CDK5RAP2: variants seen among roughly 807,000 people sequenced by gnomAD.
CDK5RAP2 encodes the protein CDK5 regulatory subunit-associated protein 2.
Under a neutral mutation model 232.9 loss-of-function variants are expected in CDK5RAP2, and 147 were observed. That is an observed-to-expected ratio of 0.63 (90% CI 0.55 to 0.72). The LOEUF is 0.72. Among genes scored for constraint, CDK5RAP2 ranks in the 30% least tolerant of loss-of-function variants. The pLI, the probability that CDK5RAP2 is intolerant of heterozygous loss-of-function variation, is 0.00. For synonymous variants in CDK5RAP2, 833 were observed against 833.7 expected, an observed-to-expected ratio of 1.00 and a Z score of 0.01; for missense variants, 2,195 against 2,231.5, an observed-to-expected ratio of 0.98 and a Z score of 0.33.
rs151322599 is a variant in CDK5RAP2, at chr9:120,540,926, C to T, written c.384-1762G>A. Among the ~76,000 whole-genome samples the T allele has an allele frequency of 1.4e-3, 215 of 152,346 alleles. 3 individuals are homozygous for T. In the East Asian group the frequency reaches 0.018, roughly 12 times the overall value. ...GGGTCTCCGCTGGCCAAAGCCAAGG[C>T]GCCTATTTCCATTTCCTGATTAATA... On this transcript the variant is annotated intron_variant, in intron 5 of 37. Coordinates refer to ENST00000349780, the MANE Select transcript of CDK5RAP2 (RefSeq NM_018249.6).
intron 21 of CDK5RAP2, among the ~76,000 whole-genome samples, chr9:120,448,829 C>T (rs891663115): frequency 4.6e-5 from 7 of 152,132 alleles, no homozygotes; most frequent in East Asian, 1.9e-4. Flanking sequence ...AACTCCCAGG[C>T]TGTCTCTCCA....
intron 25 of CDK5RAP2, among the ~76,000 whole-genome samples, chr9:120,423,560 C>T (rs371588486): frequency 6.6e-6 from 1 of 152,152 alleles, no homozygotes; most frequent in East Asian, 1.9e-4. Flanking sequence ...TCTCTTCCTG[C>T]ATGTTATCAT....
intron 3 of CDK5RAP2, among the ~76,000 whole-genome samples, chr9:120,564,692 G>A (rs1049919808): frequency 1.1e-4 from 16 of 152,118 alleles, no homozygotes; most frequent in African/African-American, 3.6e-4. Flanking sequence ...CCATCCATGA[G>A]TATTGAGAAT....
At chr9:120,481,299 G>A (rs2038292183) in intron 14 of CDK5RAP2, among the ~76,000 whole-genome samples, 1 of 152,088 alleles carries the variant, frequency 6.6e-6, no homozygotes, top group Non-Finnish European at 1.5e-5. Context: ...AATGCATCTG[G>A]GTGCTTGGCA....
chr9:120,442,388 A>G (rs1166058401), intron 23 of CDK5RAP2, among the ~76,000 whole-genome samples: 4 of 152,194 alleles, frequency 2.6e-5, no homozygotes, highest in African/African-American at 4.8e-5. Context: ...TCCTTTATTC[A>G]CATCCCAAGT....
chr9:120,460,644 C>T lies in CDK5RAP2; in HGVS notation c.2130G>A (p.Glu710=). Residue 710 remains glutamate, a synonymous_variant, in exon 19 of 38, where the codon GAG becomes GAA. Transcript: ENST00000349780. ...QTELLASKED[E]DTIKIGEDDE... ...CATCCTCCCCAATTTTGATCGTGTC[C>T]TCGTCCTCCTTGCTAGCCAGAAGCT... The T allele has an allele frequency of 6.2e-7, 1 of 1,614,084 alleles. No homozygotes were observed. Among genetic ancestry groups the T allele is most frequent in the South Asian group, 1.1e-5 (1 of 91,072 alleles).
chr9:120,484,908 A>G (rs2038514754), intron 14 of CDK5RAP2, among the ~76,000 whole-genome samples: 1 of 149,622 alleles, frequency 6.7e-6, no homozygotes, highest in Non-Finnish European at 1.5e-5. Context: ...TTTTTTGTAG[A>G]TACTGGGGTC....
At chr9:120,474,689 A>C (rs1000108224) in intron 15 of CDK5RAP2, among the ~76,000 whole-genome samples, 5 of 152,206 alleles carry the variant, frequency 3.3e-5, no homozygotes, top group African/African-American at 1.2e-4. Flanking sequence ...TTTGGGGATC[A>C]TCCACCAACT....
At chr9:120,471,636 G>T in intron 16 of CDK5RAP2, 112 bp downstream of exon 16, 1 of 1,486,152 alleles carries the variant, frequency 6.7e-7, no homozygotes. Flanking sequence ...ATCTCCAAAC[G>T]AAACCCCGTG....
Position 120,536,365 on chromosome 9 carries a change from G to A in CDK5RAP2, c.662+7C>T, listed in dbSNP as rs1402783638. ...ATGTCAGGGTATGACAGGGACAAGAGCCAGACCTGTCTTTCTCATCCAGGA... is the reference window on the plus strand; with the variant it reads ...ATGTCAGGGTATGACAGGGACAAGAACCAGACCTGTCTTTCTCATCCAGGA... On this transcript the variant is annotated splice_region_variant and intron_variant, in intron 7 of 37. Coordinates refer to ENST00000349780, the MANE Select transcript of CDK5RAP2 (RefSeq NM_018249.6). 2 of 1,613,872 alleles carry A rather than the reference G, an allele frequency of 1.2e-6. No individual in the cohort carries two copies. The highest frequency in any genetic ancestry group is 3.3e-5 in the Admixed American group (2 of 60,024).
chr9:120,453,992 C>T (rs41273386), intron 20 of CDK5RAP2, 119 bp from the exon 21 acceptor site: 27,309 of 1,007,226 alleles, frequency 0.027, 465 homozygotes, highest in East Asian at 0.069. Flanking sequence ...AAACTAAATA[C>T]AGTGTGTACC....
At chr9:120,491,202 CAT>C in intron 13 of CDK5RAP2, 103 bp downstream of exon 13, 1 of 889,278 alleles carries the variant, frequency 1.1e-6, no homozygotes, top group Non-Finnish European at 1.8e-6. Flanking sequence ...TATTCTGAAA[CAT>C]AGCAATGATT....
intron 1 of CDK5RAP2, among the ~76,000 whole-genome samples, chr9:120,572,866 A>T (rs1229783310): frequency 6.6e-6 from 1 of 152,236 alleles, no homozygotes; most frequent in Non-Finnish European, 1.5e-5. Flanking sequence ...GTGCTTTACA[A>T]TTTATAAAAG....
intron 27 of CDK5RAP2, among the ~76,000 whole-genome samples, chr9:120,417,399 C>A (rs1056945138): frequency 6.6e-6 from 1 of 152,232 alleles, no homozygotes; most frequent in African/African-American, 2.4e-5. Context: ...TGGCACTGTA[C>A]CTCCTTGCTC....
At chr9:120,578,903 T>C (rs551700093) in intron 1 of CDK5RAP2, among the ~76,000 whole-genome samples, 1 of 152,246 alleles carries the variant, frequency 6.6e-6, no homozygotes, top group Non-Finnish European at 1.5e-5. Context: ...GCACAATAAA[T>C]AACATGGTCA....
intron 14 of CDK5RAP2, among the ~76,000 whole-genome samples, chr9:120,479,404 C>T (rs1167294755): frequency 2.0e-5 from 3 of 152,164 alleles, no homozygotes; most frequent in Admixed American, 1.3e-4. Flanking sequence ...CAAAACACCT[C>T]CCCCAAAATA....
Position 120,551,713 on chromosome 9 carries a change from T to A in CDK5RAP2, c.196-811A>T, listed in dbSNP as rs143910708. ...TAAATAAAAGGAGGTTGAAGAGGCA[T>A]GACTACTAAGTACAATAGAATCTTG... On this transcript the variant is annotated intron_variant, in intron 3 of 37. Transcript: ENST00000349780. Among the ~76,000 whole-genome samples, 31 of 152,306 alleles carry A rather than the reference T, an allele frequency of 2.0e-4. No individual in the cohort carries two copies. In the East Asian group the frequency reaches 6.0e-3, roughly 29 times the overall value.
Position 120,524,924 on chromosome 9 carries a change from G to C in CDK5RAP2, c.1092+62C>G, listed in dbSNP as rs533004463. The C allele has an allele frequency of 3.5e-5, 41 of 1,171,842 alleles. 1 individual carries two copies. The highest frequency in any genetic ancestry group is 2.8e-4 in the South Asian group (23 of 82,144). 72.6% of individuals were successfully genotyped at this position (1,171,842 alleles called of 1,614,324 possible). A position where few individuals can be genotyped will look rare whatever the true frequency, so the allele number is the denominator to read the frequency against. The stretch of plus-strand genomic sequence containing the variant: ...TCACCCAAGTTCTTTCAGCTGCAAA[G>C]TCCTCACCTCACCAGGGGTCAGGAT... On this transcript the variant is annotated intron_variant, in intron 11 of 37. Transcript: ENST00000349780.
chr9:120,425,493 G>A (rs1287792433), intron 25 of CDK5RAP2, among the ~76,000 whole-genome samples: 1 of 152,114 alleles, frequency 6.6e-6, no homozygotes, highest in Non-Finnish European at 1.5e-5. Context: ...ACAATAGGAG[G>A]ACTTCATCTT....
Sources: gnomAD v4.1 joint callset for allele counts (sites outside exome capture counted in the v4.1 genomes callset) on GRCh38, gnomAD v4.1.1 for gene constraint, MANE v1.5 for transcripts, NCBI Gene and HGNC (gene_info 2026-07-23, HGNC 2026-07-21) for gene names.